COL4A5: variants seen among roughly 807,000 people sequenced by gnomAD.
COL4A5 encodes collagen type IV alpha 5 chain.
In COL4A5, 26 loss-of-function variants were observed where a neutral mutation model predicts 130.2. The ratio of observed to expected loss-of-function variants is 0.20; its 90% confidence interval spans 0.15 to 0.28. The LOEUF (loss-of-function observed/expected upper bound fraction) is 0.28, where lower values mean the gene tolerates loss of function less well. Among genes scored for constraint, COL4A5 ranks in the 10% least tolerant of loss-of-function variants. The pLI, the probability that COL4A5 is intolerant of heterozygous loss-of-function variation, is 1.00. For synonymous variants in COL4A5, 496 were observed against 439.6 expected (o/e 1.13, Z -1.60); for missense variants, 1,131 against 1,344.3 (o/e 0.84, Z 2.48).
chrX:108,518,188 A>C (rs1230667102), intron 1 of COL4A5, among the ~76,000 whole-genome samples: 1 of 111,232 alleles, frequency 9.0e-6, no homozygotes, highest in Non-Finnish European at 1.9e-5. Flanking sequence ...CTAATATAGA[A>C]ATCTCATTTA....
intron 47 of COL4A5, among the ~76,000 whole-genome samples, chrX:108,683,144 AT>A (rs1029220076): frequency 1.8e-5 from 2 of 111,954 alleles, no homozygotes; most frequent in African/African-American, 6.5e-5. Context: ...CCATTTGAAT[AT>A]GAAATCCTTT....
chrX:108,502,536 C>T (rs1186884936), intron 1 of COL4A5, among the ~76,000 whole-genome samples: 3 of 111,439 alleles, frequency 2.7e-5, no homozygotes, highest in East Asian at 5.6e-4. Context: ...CTGCCTGCCT[C>T]GGCCTCCCAA....
chrX:108,547,796 G>C (rs1461543256), intron 2 of COL4A5, among the ~76,000 whole-genome samples: 1 of 111,636 alleles, frequency 9.0e-6, no homozygotes. Flanking sequence ...ACCTACTCAG[G>C]CCTCAGCAAT....
chrX:108,681,412 A>G (rs1189713671), intron 46 of COL4A5, among the ~76,000 whole-genome samples: 1 of 109,681 alleles, frequency 9.1e-6, no homozygotes, highest in Non-Finnish European at 1.9e-5. Flanking sequence ...ACTGCAAATG[A>G]TGTTGGAGTC....
chrX:108,607,718 G>A (rs1398792821), intron 29 of COL4A5, among the ~76,000 whole-genome samples: 4 of 110,864 alleles, frequency 3.6e-5, no homozygotes, highest in Non-Finnish European at 7.6e-5. Flanking sequence ...TCCTAACTTC[G>A]TGATCCGCCC....
chrX:108,566,395 A>G (rs1318631544), intron 4 of COL4A5, among the ~76,000 whole-genome samples: 1 of 111,076 alleles, frequency 9.0e-6, no homozygotes, highest in Non-Finnish European at 1.9e-5. Flanking sequence ...TTGATCTTTC[A>G]TAACTTCTCC....
chrX:108,507,424 A>T (rs750191018), intron 1 of COL4A5, among the ~76,000 whole-genome samples: 7 of 111,822 alleles, frequency 6.3e-5, no homozygotes, highest in Non-Finnish European at 1.1e-4. Flanking sequence ...AACATACACA[A>T]ATCAAGAAAT....
intron 1 of COL4A5, among the ~76,000 whole-genome samples, chrX:108,495,381 G>C (rs1288208227): frequency 1.8e-5 from 2 of 111,711 alleles, no homozygotes; most frequent in Non-Finnish European, 3.8e-5. Context: ...GAAAGTCCTT[G>C]TTAAACAGAG....
intron 1 of COL4A5, among the ~76,000 whole-genome samples, chrX:108,523,846 T>C (rs952472868): frequency 1.8e-5 from 2 of 111,991 alleles, no homozygotes; most frequent in Non-Finnish European, 3.8e-5. Flanking sequence ...TTTATCATTT[T>C]CATGCAGTTG....
At position 108,477,066 on chromosome X, in the gene COL4A5, T is replaced by C. The variant is rs767149242; in HGVS notation, c.81+36860T>C. Among the ~76,000 whole-genome samples, 5 of 111,823 alleles carry C rather than the reference T, an allele frequency of 4.5e-5. No homozygotes were observed. The South Asian group carries it at 1.9e-3, about 43-fold the overall frequency. On this transcript the variant is annotated intron_variant, in intron 1 of 52. Coordinates refer to ENST00000328300, the MANE Select transcript of COL4A5 (RefSeq NM_033380.3). Reference sequence around the variant, plus strand: ...TTCATGTTTTTCTGCCTGCTTTATATTCGCTGGCAGCTAATTAGATTGTGC... The same window carrying C: ...TTCATGTTTTTCTGCCTGCTTTATACTCGCTGGCAGCTAATTAGATTGTGC...
At chrX:108,614,773 G>T in intron 29 of COL4A5, 138 bp from the exon 30 acceptor site, 1 of 506,298 alleles carries the variant, frequency 2.0e-6, no homozygotes, top group Non-Finnish European at 3.6e-6. Context: ...CCTATCCTTT[G>T]CTCTTGATAC....
At chrX:108,688,705 G>T (rs2068594347) in intron 49 of COL4A5, among the ~76,000 whole-genome samples, 1 of 111,748 alleles carries the variant, frequency 8.9e-6, no homozygotes, top group Admixed American at 9.5e-5. Context: ...AAAGTGTTGG[G>T]ATTACAGGCG....
At position 108,571,541 on chromosome X, in the gene COL4A5, A is replaced by G. The variant is rs2066065171; in HGVS notation, c.438+75A>G. Reference sequence around the variant, plus strand: ...AGCAGAAATGTAGTGAGAGAGCCCAATGCATTCATGTGGAACAAAGTAATA... The same window carrying G: ...AGCAGAAATGTAGTGAGAGAGCCCAGTGCATTCATGTGGAACAAAGTAATA... On this transcript the variant is annotated intron_variant, in intron 7 of 52. Transcript: ENST00000328300. 1.1e-5 allele frequency: 8 copies of G among 733,094 alleles called. No individual in the cohort carries two copies. In the East Asian group the frequency reaches 1.3e-4, roughly 12 times the overall value. 60.4% of individuals were successfully genotyped at this position (733,094 alleles called of 1,213,427 possible).
chrX:108,469,601 G>GTTATT (rs1271907699), intron 1 of COL4A5, among the ~76,000 whole-genome samples: 10 of 111,397 alleles, frequency 9.0e-5, no homozygotes, highest in Non-Finnish European at 1.9e-4. Context: ...ACTAACCTTT[G>GTTATT]TTATTTTATT....
At chrX:108,545,042 G>T (rs1236756711) in intron 2 of COL4A5, among the ~76,000 whole-genome samples, 3 of 110,695 alleles carry the variant, frequency 2.7e-5, no homozygotes, top group African/African-American at 9.9e-5. Flanking sequence ...CAGTTTTATT[G>T]ATCTTTTCAA....
At chrX:108,545,367 C>T (rs1188037597) in intron 2 of COL4A5, among the ~76,000 whole-genome samples, 3 of 111,553 alleles carry the variant, frequency 2.7e-5, no homozygotes, top group Non-Finnish European at 5.6e-5. Flanking sequence ...TCCTTATGTA[C>T]CCAGTAGGCA....
intron 1 of COL4A5, among the ~76,000 whole-genome samples, chrX:108,472,877 C>A (rs1481802315): frequency 8.9e-6 from 1 of 112,007 alleles, no homozygotes; most frequent in Non-Finnish European, 1.9e-5. Flanking sequence ...TACTAATTTG[C>A]AGTACCACCA....
intron 29 of COL4A5, among the ~76,000 whole-genome samples, chrX:108,614,699 A>AT (rs757676375): frequency 4.2e-4 from 47 of 112,177 alleles, no homozygotes; most frequent in East Asian, 1.4e-3. Context: ...TGTGAAGTTG[A>AT]TTTAAGTATT....
chrX:108,547,223 T>C (rs998104873), intron 2 of COL4A5, among the ~76,000 whole-genome samples: 1 of 111,750 alleles, frequency 8.9e-6, no homozygotes, highest in Non-Finnish European at 1.9e-5. Flanking sequence ...CTCTGTTTTT[T>C]CCCCATCTTT....
Sources: allele counts gnomAD v4.1 joint callset (sites outside exome capture counted in the v4.1 genomes callset), GRCh38; gene constraint gnomAD v4.1.1; transcripts MANE v1.5; gene names NCBI Gene and HGNC (gene_info 2026-07-23, HGNC 2026-07-21).